The following TMEM232 variants were observed in gnomAD, a reference collection of about 807,000 sequenced individuals.
TMEM232 encodes the protein transmembrane protein 232.
A neutral mutation model predicts 78.8 loss-of-function variants in TMEM232; 80 were observed. The ratio of observed to expected loss-of-function variants is 1.01; its 90% CI spans 0.85 to 1.22. The LOEUF is 1.22. Among genes scored for constraint, TMEM232 ranks in the 50% most tolerant of loss-of-function variants. The pLI is 0.00. For missense variants in TMEM232, 881 were observed against 742.2 expected (o/e 1.19, Z -2.17); for synonymous variants, 297 against 254.3 (o/e 1.17, Z -1.60).
At chr5:110,584,718 C>T (rs748869141) in intron 10 of TMEM232, among the ~76,000 whole-genome samples, 4 of 151,980 alleles carry the variant, frequency 2.6e-5, no homozygotes, top group African/African-American at 4.8e-5. Context: ...ATTTCTGGAC[C>T]ATATTAAATG....
At chr5:110,549,762 G>C (rs1774238292) in intron 11 of TMEM232, among the ~76,000 whole-genome samples, 1 of 151,966 alleles carries the variant, frequency 6.6e-6, no homozygotes, top group Non-Finnish European at 1.5e-5. Context: ...TAGAAAAATA[G>C]AAGCAATTTT....
intron 12 of TMEM232, among the ~76,000 whole-genome samples, chr5:110,469,911 C>T (rs1167873337): frequency 6.6e-6 from 1 of 152,114 alleles, no homozygotes; most frequent in Non-Finnish European, 1.5e-5. Context: ...GAATAGTCCC[C>T]TAAAATTTGA....
intron 12 of TMEM232, among the ~76,000 whole-genome samples, chr5:110,435,963 G>C (rs1257931848): frequency 6.6e-6 from 1 of 151,918 alleles, no homozygotes; most frequent in Non-Finnish European, 1.5e-5. Context: ...CCTATTTCTT[G>C]AGTATATATC....
At chr5:110,619,838 G>C (rs1783407715) in intron 7 of TMEM232, among the ~76,000 whole-genome samples, 1 of 151,944 alleles carries the variant, frequency 6.6e-6, no homozygotes, top group African/African-American at 2.4e-5. Context: ...AATGGGTGCA[G>C]CACACCAAGA....
intron 12 of TMEM232, among the ~76,000 whole-genome samples, chr5:110,497,190 G>A (rs183751531): frequency 1.3e-5 from 2 of 152,142 alleles, no homozygotes; most frequent in Non-Finnish European, 1.5e-5. Context: ...TAATAAATGA[G>A]TATTGAAAAC....
chr5:110,443,708 G>C (rs1007483662), intron 12 of TMEM232, among the ~76,000 whole-genome samples: 7 of 152,192 alleles, frequency 4.6e-5, no homozygotes, highest in Admixed American at 1.3e-4. Flanking sequence ...CACATCTGAA[G>C]TCAACTTATC....
intron 7 of TMEM232, among the ~76,000 whole-genome samples, chr5:110,623,952 T>C (rs1784096415): frequency 6.6e-6 from 1 of 152,148 alleles, no homozygotes; most frequent in Admixed American, 6.6e-5. Flanking sequence ...TGTATTGACA[T>C]TTTTGCCCCT....
At chr5:110,479,339 C>T (rs1432522602) in intron 12 of TMEM232, among the ~76,000 whole-genome samples, 1 of 151,722 alleles carries the variant, frequency 6.6e-6, no homozygotes. Context: ...ATAAAACATA[C>T]ATACACAACT....
At chr5:110,567,006 G>C (rs750099912) in intron 11 of TMEM232, among the ~76,000 whole-genome samples, 2 of 151,918 alleles carry the variant, frequency 1.3e-5, no homozygotes, top group African/African-American at 2.4e-5. Flanking sequence ...GCAGGCAAGA[G>C]AGCATGTGCA....
In TMEM232 at chr5:110,688,336, G is replaced by C. The variant is rs1186141370; in HGVS notation, c.-12-20972C>G. ...TATATTATGATTTCAGAAGACAAAA[G>C]TAAAAAGCTAAGCTTGTTGAAGAGA... is the stretch of plus-strand genomic sequence containing the variant. On this transcript the variant is annotated intron_variant, in intron 1 of 13. Coordinates refer to ENST00000455884, the MANE Select transcript of TMEM232 (RefSeq NM_001039763.4). Among the ~76,000 whole-genome samples the C allele has an allele frequency of 1.3e-5, 2 of 152,128 alleles. 1 individual carries two copies. Among genetic ancestry groups the C allele is most frequent in the Non-Finnish European group, 2.9e-5 (2 of 68,018 alleles).
At chr5:110,425,773 T>G (rs966158847) in intron 12 of TMEM232, among the ~76,000 whole-genome samples, 1 of 152,092 alleles carries the variant, frequency 6.6e-6, no homozygotes, top group Non-Finnish European at 1.5e-5. Context: ...GGCTTCATGT[T>G]CAGAATTCCT....
chr5:110,438,347 T>G (rs1433252406), intron 12 of TMEM232, among the ~76,000 whole-genome samples: 1 of 151,730 alleles, frequency 6.6e-6, no homozygotes, highest in Non-Finnish European at 1.5e-5. Context: ...AAAACCTACC[T>G]GTGGCTTTAA....
At chr5:110,491,936 G>C (rs1037158609) in intron 12 of TMEM232, among the ~76,000 whole-genome samples, 1 of 151,612 alleles carries the variant, frequency 6.6e-6, no homozygotes, top group African/African-American at 2.4e-5. Context: ...ATAAATTTCA[G>C]TCTAAACAAA....
intron 2 of TMEM232, 31 bp downstream of exon 2, chr5:110,667,197 A>T (rs761113316): frequency 6.6e-7 from 1 of 1,506,656 alleles, no homozygotes; most frequent in Non-Finnish European, 9.0e-7. Flanking sequence ...TCTACAATAC[A>T]TATGGGTCCT....
chr5:110,587,747 T>C (rs1002664919), intron 10 of TMEM232, among the ~76,000 whole-genome samples: 2 of 135,172 alleles, frequency 1.5e-5, no homozygotes, highest in Admixed American at 8.0e-5. Flanking sequence ...GTCAAACTTG[T>C]CAGGCTGTAC....
chr5:110,732,142 A>G (rs1798729759), intron 2 of TMEM232, among the ~76,000 whole-genome samples: 1 of 152,176 alleles, frequency 6.6e-6, no homozygotes, highest in African/African-American at 2.4e-5. Context: ...AATTCCGAAG[A>G]AGTTCCTCAT....
chr5:110,577,898 G>C (rs960460953), intron 10 of TMEM232, among the ~76,000 whole-genome samples: 43 of 151,766 alleles, frequency 2.8e-4, no homozygotes, highest in African/African-American at 9.7e-4. Flanking sequence ...GGAGGGAGAA[G>C]ATCAGGATAC....
At chr5:110,601,776 A>G (rs1198505169) in intron 10 of TMEM232, among the ~76,000 whole-genome samples, 1 of 152,204 alleles carries the variant, frequency 6.6e-6, no homozygotes, top group Non-Finnish European at 1.5e-5. Flanking sequence ...GACTTTCCTC[A>G]CAGAACTATA....
At chr5:110,425,734 A>G (rs1757157585) in intron 12 of TMEM232, among the ~76,000 whole-genome samples, 1 of 152,092 alleles carries the variant, frequency 6.6e-6, no homozygotes, top group Non-Finnish European at 1.5e-5. Context: ...TCCCGAGGCC[A>G]AGCCACCATA....
Sources: gnomAD v4.1 joint callset for allele counts (sites outside exome capture counted in the v4.1 genomes callset) on GRCh38, gnomAD v4.1.1 for gene constraint, MANE v1.5 for transcripts, NCBI Gene and HGNC (gene_info 2026-07-23, HGNC 2026-07-21) for gene names.